CFAP61: variants seen among roughly 807,000 people sequenced by gnomAD.
The protein encoded by CFAP61 is cilia and flagella associated protein 61, also known as cilia- and flagella-associated protein 61.
In CFAP61, 107 loss-of-function variants were observed where a neutral mutation model predicts 135.6. That is an observed-to-expected ratio of 0.79 (90% CI 0.67 to 0.93). The LOEUF is 0.93. Among genes scored for constraint, CFAP61 ranks in the 40% least tolerant of loss-of-function variants. The pLI is 0.00. For missense variants in CFAP61, 1,507 were observed against 1,556.2 expected, an observed-to-expected ratio of 0.97 and a Z score of 0.53; for synonymous variants, 575 against 578.5, an observed-to-expected ratio of 0.99 and a Z score of 0.09.
intron 17 of CFAP61, among the ~76,000 whole-genome samples, chr20:20,212,174 A>C (rs968331941): frequency 6.6e-6 from 1 of 152,158 alleles, no homozygotes; most frequent in Non-Finnish European, 1.5e-5. Flanking sequence ...CTAACAGCTC[A>C]GTACTTCCAC....
Position 20,164,110 on chromosome 20 carries a change from A to G in CFAP61, c.1087A>G (p.Arg363Gly), listed in dbSNP as rs772166502. 6.2e-7 allele frequency: 1 copy of G among 1,614,032 alleles called. No individual in the cohort carries two copies. The highest frequency in any genetic ancestry group is 1.1e-5 in the South Asian group (1 of 91,080). Residue 363 changes from arginine (R) to glycine (G), a missense_variant, in exon 11 of 27, where the codon AGG becomes GGG. Coordinates refer to ENST00000245957, the MANE Select transcript of CFAP61 (RefSeq NM_015585.4). ...TGCACAGTATCACCATGTCAGCAGT[A>G]GGAGCTTGGCATCGCTCGTACTGCC... ...GYAQYHHVSS[R>G]SLASLVLPEE...
At chr20:20,228,620 A>G (rs1239751442) in intron 18 of CFAP61, 3 of 356,658 alleles carry the variant, frequency 8.4e-6, no homozygotes, top group African/African-American at 4.0e-5. Context: ...ACACAGCCAC[A>G]CTCATTTATG....
rs558493303 is a variant in CFAP61, at chr20:20,195,954, G to A, written c.1591-616G>A. ...AAATTAGCCAGGCGTGATGGTGGGC[G>A]CCTGAAATCCCAGCTACTTGGGAGG... On this transcript the variant is annotated intron_variant, in intron 15 of 26. Transcript: ENST00000245957. Among the ~76,000 whole-genome samples the A allele has an allele frequency of 8.5e-5, 13 of 152,178 alleles. 1 individual carries two copies. Among genetic ancestry groups the A allele is most frequent in the African/African-American group, 2.6e-4 (11 of 41,530 alleles).
intron 17 of CFAP61, among the ~76,000 whole-genome samples, chr20:20,219,872 C>T (rs922456738): frequency 1.3e-5 from 2 of 152,108 alleles, no homozygotes; most frequent in African/African-American, 4.8e-5. Flanking sequence ...ACACTTGTAC[C>T]TTCCTAAATG....
At chr20:20,276,809 T>C (rs2053799097) in intron 21 of CFAP61, among the ~76,000 whole-genome samples, 1 of 152,254 alleles carries the variant, frequency 6.6e-6, no homozygotes, top group African/African-American at 2.4e-5. Flanking sequence ...AAGGAAGAAC[T>C]AGTATACATT....
At chr20:20,150,408 G>C (rs2052304686) in intron 9 of CFAP61, among the ~76,000 whole-genome samples, 1 of 152,144 alleles carries the variant, frequency 6.6e-6, no homozygotes, top group African/African-American at 2.4e-5. Context: ...TGCAGCTGGT[G>C]CTCTCTCGAA....
At chr20:20,304,464 C>A (rs2056330804) in intron 25 of CFAP61, among the ~76,000 whole-genome samples, 1 of 151,926 alleles carries the variant, frequency 6.6e-6, no homozygotes, top group South Asian at 2.1e-4. Context: ...CCCAATCTTC[C>A]CCTTAAAAGC....
At chr20:20,194,464 G>T (rs1008360299) in intron 15 of CFAP61, among the ~76,000 whole-genome samples, 4 of 152,112 alleles carry the variant, frequency 2.6e-5, no homozygotes, top group Non-Finnish European at 5.9e-5. Context: ...ATACTCTGTA[G>T]AATTTTTTTA....
At chr20:20,116,824 T>A (rs2049179851) in intron 8 of CFAP61, among the ~76,000 whole-genome samples, 1 of 152,222 alleles carries the variant, frequency 6.6e-6, no homozygotes, top group Non-Finnish European at 1.5e-5. Context: ...ACTTTTTTAG[T>A]TTCCACATGT....
At chr20:20,323,270 TA>T (rs2057605696) in intron 25 of CFAP61, 1 of 985,422 alleles carries the variant, frequency 1.0e-6, no homozygotes. Flanking sequence ...TCGATTTTTC[TA>T]AAAAAGGACA....
At chr20:20,294,316 A>G (rs1014065829) in intron 24 of CFAP61, among the ~76,000 whole-genome samples, 40 of 152,222 alleles carry the variant, frequency 2.6e-4, no homozygotes, top group Admixed American at 2.2e-3. Flanking sequence ...AGTGGCCTGC[A>G]CTACAAGGGT....
chr20:20,058,739 A>AT (rs2044563195), intron 2 of CFAP61, among the ~76,000 whole-genome samples: 1 of 152,250 alleles, frequency 6.6e-6, no homozygotes, highest in Non-Finnish European at 1.5e-5. Context: ...AAAGAATTTA[A>AT]TTAAAAATAG....
At chr20:20,356,112 A>G (rs2059138916) in intron 26 of CFAP61, among the ~76,000 whole-genome samples, 1 of 21,052 alleles carries the variant, frequency 4.8e-5, no homozygotes, top group Non-Finnish European at 5.1e-4. Flanking sequence ...GGAGGTGGTC[A>G]CACTGAGGGG....
chr20:20,085,193 C>T (rs1663208117), intron 6 of CFAP61: 1 of 985,348 alleles, frequency 1.0e-6, no homozygotes, highest in African/African-American at 1.7e-5. Context: ...GCCAAATTCA[C>T]AGTGGCTCTC....
chr20:20,289,225 T>C (rs1253174548), intron 23 of CFAP61, among the ~76,000 whole-genome samples: 2 of 152,196 alleles, frequency 1.3e-5, no homozygotes, highest in Non-Finnish European at 2.9e-5. Context: ...TATTAACTTG[T>C]CTGGATGTCT....
At chr20:20,230,621 C>G (rs750946984) in intron 18 of CFAP61, among the ~76,000 whole-genome samples, 1 of 152,098 alleles carries the variant, frequency 6.6e-6, no homozygotes, top group Non-Finnish European at 1.5e-5. Flanking sequence ...GGAGCAATCT[C>G]GGTTCACTAC....
At chr20:20,125,762 G>C (rs2146706651) in intron 8 of CFAP61, among the ~76,000 whole-genome samples, 1 of 151,904 alleles carries the variant, frequency 6.6e-6, no homozygotes, top group African/African-American at 2.4e-5. Flanking sequence ...TAAATCCATT[G>C]CTTCTTTGTT....
At chr20:20,183,114 A>T (rs1203812591) in intron 13 of CFAP61, among the ~76,000 whole-genome samples, 1 of 151,938 alleles carries the variant, frequency 6.6e-6, no homozygotes, top group East Asian at 1.9e-4. Context: ...AAAAGGTCAC[A>T]TGTGGAATAA....
At chr20:20,099,995 A>G (rs937157797) in intron 8 of CFAP61, among the ~76,000 whole-genome samples, 3 of 152,108 alleles carry the variant, frequency 2.0e-5, no homozygotes, top group African/African-American at 7.2e-5. Context: ...CACCCTCCCC[A>G]AAAGAGATTT....
Sources: allele counts gnomAD v4.1 joint callset (sites outside exome capture counted in the v4.1 genomes callset), GRCh38; gene constraint gnomAD v4.1.1; transcripts MANE v1.5; gene names NCBI Gene and HGNC (gene_info 2026-07-23, HGNC 2026-07-21).